Variants in EVA1C observed in about 807,000 individuals in gnomAD.
EVA1C encodes the protein eva-1 homolog C.
In EVA1C, 25 loss-of-function variants were observed where a neutral mutation model predicts 45.4. That is an observed-to-expected ratio of 0.55 (90% CI 0.40 to 0.77). The LOEUF is 0.77. Ranked by LOEUF, EVA1C falls within the 30% of genes least tolerant of loss-of-function variation. EVA1C has a pLI of 0.00. For missense variants in EVA1C, 479 were observed against 554.8 expected, an observed-to-expected ratio of 0.86 and a Z score of 1.37; for synonymous variants, 190 against 221.2, an observed-to-expected ratio of 0.86 and a Z score of 1.25.
intron 1 of EVA1C, among the ~76,000 whole-genome samples, chr21:32,425,150 A>AAAAC (rs56144507): frequency 0.23 from 33,767 of 148,794 alleles, 4,615 homozygotes; most frequent in African/African-American, 0.37. Flanking sequence ...ATCTCTACTA[A>AAAAC]AAACAAACAA....
At chr21:32,503,822 T>A in intron 6 of EVA1C, 104 bp from the exon 7 acceptor site, 1 of 707,790 alleles carries the variant, frequency 1.4e-6, no homozygotes, top group Non-Finnish European at 2.4e-6. Context: ...TCTGTGACTT[T>A]TAATTATTCC....
intron 1 of EVA1C, among the ~76,000 whole-genome samples, chr21:32,440,068 CCTGT>C (rs1259116845): frequency 1.3e-5 from 2 of 152,078 alleles, no homozygotes; most frequent in Non-Finnish European, 2.9e-5. Flanking sequence ...CTTCCACCCT[CCTGT>C]CTGTTTGTCG....
chr21:32,430,271 C>T (rs2034647917), intron 1 of EVA1C, among the ~76,000 whole-genome samples: 1 of 152,146 alleles, frequency 6.6e-6, no homozygotes, highest in Non-Finnish European at 1.5e-5. Context: ...CCTTCTCTAG[C>T]CCCTTTCCCA....
At chr21:32,500,791 G>A (rs1210406920) in intron 5 of EVA1C, among the ~76,000 whole-genome samples, 1 of 151,746 alleles carries the variant, frequency 6.6e-6, no homozygotes, top group Non-Finnish European at 1.5e-5. Context: ...CATCCATGTT[G>A]TAGCATGTAT....
chr21:32,448,934 G>GAGAAAGAGAAAGAAAGAA (rs1161868364), intron 1 of EVA1C, among the ~76,000 whole-genome samples: 24 of 141,348 alleles, frequency 1.7e-4, no homozygotes, highest in African/African-American at 4.0e-4. Context: ...GAAAGAAAGA[G>GAGAAAGAGAAAGAAAGAA]AGAGAAAGAG....
intron 1 of EVA1C, among the ~76,000 whole-genome samples, chr21:32,442,472 T>G (rs2035211463): frequency 6.6e-6 from 1 of 152,142 alleles, no homozygotes; most frequent in South Asian, 2.1e-4. Context: ...CCCTGACTCA[T>G]GGCTCCCCAC....
At chr21:32,514,074 A>G (rs1310418291) in intron 7 of EVA1C, among the ~76,000 whole-genome samples, 2 of 152,164 alleles carry the variant, frequency 1.3e-5, no homozygotes, top group Non-Finnish European at 2.9e-5. Flanking sequence ...TGATTTAAAG[A>G]ATAGGGGAGA....
intron 1 of EVA1C, among the ~76,000 whole-genome samples, chr21:32,450,931 G>C (rs1318517474): frequency 6.6e-6 from 1 of 152,196 alleles, no homozygotes; most frequent in Non-Finnish European, 1.5e-5. Flanking sequence ...AACTTACTCA[G>C]GATAGCTGGG....
intron 1 of EVA1C, among the ~76,000 whole-genome samples, chr21:32,420,320 A>C (rs889065898): frequency 6.6e-6 from 1 of 152,218 alleles, no homozygotes; most frequent in Non-Finnish European, 1.5e-5. Flanking sequence ...CAGTGAGCCA[A>C]GATCATGCCA....
chr21:32,501,399 C>A lies in EVA1C; in HGVS notation c.779-16C>A, dbSNP rs773416929. The A allele has an allele frequency of 6.3e-7, 1 of 1,580,442 alleles. No individual in the cohort carries two copies. Among genetic ancestry groups the A allele is most frequent in the Non-Finnish European group, 8.5e-7 (1 of 1,173,098 alleles). On this transcript the variant is annotated splice_polypyrimidine_tract_variant and intron_variant, in intron 5 of 7. Transcript: ENST00000300255. ...AATATACCACGAATTTAAAATATTT[C>A]TTTTTTGGCTTTTAGTTCCCAAGAA...
At position 32,413,561 on chromosome 21, in the gene EVA1C, A is replaced by C. The variant is rs117608045; in HGVS notation, c.160+548A>C. Among the ~76,000 whole-genome samples, 41 of 152,282 alleles carry C rather than the reference A, an allele frequency of 2.7e-4. No individual in the cohort carries two copies. The East Asian group carries it at 6.6e-3, about 24-fold the overall frequency. On this transcript the variant is annotated intron_variant, in intron 1 of 7. Transcript: ENST00000300255. The stretch of plus-strand genomic sequence containing the variant: ...ATAAGAGAGAGGAGCCTCTCTGCCA[A>C]AGTGTACCAGGGTCCTCCCTCTCCA...
At chr21:32,510,935 G>A (rs925637691) in intron 7 of EVA1C, among the ~76,000 whole-genome samples, 2 of 152,184 alleles carry the variant, frequency 1.3e-5, no homozygotes, top group African/African-American at 4.8e-5. Flanking sequence ...AGCTTCTAAG[G>A]AGGCTGAGGT....
chr21:32,441,995 C>G (rs1317992118), intron 1 of EVA1C, among the ~76,000 whole-genome samples: 1 of 152,142 alleles, frequency 6.6e-6, no homozygotes, highest in African/African-American at 2.4e-5. Context: ...TCTCAAGGGC[C>G]AGACCTTCAA....
chr21:32,430,527 G>A (rs1164464692), intron 1 of EVA1C, among the ~76,000 whole-genome samples: 1 of 152,146 alleles, frequency 6.6e-6, no homozygotes, highest in African/African-American at 2.4e-5. Context: ...CTGAGACTGG[G>A]TAATTTGTAA....
At chr21:32,423,086 A>AAAAAAAT (rs1358315566) in intron 1 of EVA1C, among the ~76,000 whole-genome samples, 4 of 151,476 alleles carry the variant, frequency 2.6e-5, no homozygotes, top group Non-Finnish European at 5.9e-5. Context: ...AAAAAAAAAA[A>AAAAAAAT]AAAAAAAAAA....
At chr21:32,510,212 C>T (rs1253134145) in intron 7 of EVA1C, among the ~76,000 whole-genome samples, 1 of 151,854 alleles carries the variant, frequency 6.6e-6, no homozygotes, top group Non-Finnish European at 1.5e-5. Flanking sequence ...CCACCCCTGG[C>T]TAATTTTAAT....
intron 7 of EVA1C, among the ~76,000 whole-genome samples, chr21:32,511,895 G>T (rs2037967418): frequency 1.3e-5 from 2 of 152,122 alleles, no homozygotes; most frequent in Non-Finnish European, 2.9e-5. Context: ...AACAGCAGGA[G>T]AGCAGGCAAA....
chr21:32,457,619 A>G lies in EVA1C; in HGVS notation c.380A>G (p.Asn127Ser), dbSNP rs529910192. ...TFQKVLDECQ[N>S]QRACHLLVNS... ...TAGAAGGTGCTGGACGAATGCCAGA[A>G]CCAGCGGGCCTGCCACCTCCTGGTC... is the stretch of plus-strand genomic sequence containing the variant. Residue 127 changes from asparagine (N) to serine (S), a missense_variant, in exon 3 of 8, where the codon AAC (asparagine) becomes AGC (serine). Around this residue, in one of 3 missense-constraint regions of EVA1C, gnomAD observed 366 missense variants for 426.1 expected, o/e 0.86. Coordinates refer to ENST00000300255, the MANE Select transcript of EVA1C (RefSeq NM_058187.5). The G allele has an allele frequency of 6.2e-7, 1 of 1,614,146 alleles. No homozygotes were observed. Among genetic ancestry groups the G allele is most frequent in the East Asian group, 2.2e-5 (1 of 44,874 alleles).
At chr21:32,445,201 G>A (rs1358775611) in intron 1 of EVA1C, among the ~76,000 whole-genome samples, 1 of 152,152 alleles carries the variant, frequency 6.6e-6, no homozygotes, top group East Asian at 1.9e-4. Flanking sequence ...CACTTGTCCG[G>A]CTAAGGGAAT....
Sources: gnomAD v4.1 joint callset for allele counts (sites outside exome capture counted in the v4.1 genomes callset) on GRCh38, gnomAD v4.1.1 for gene constraint, gnomAD v4.1.1 regional missense constraint, MANE v1.5 for transcripts, NCBI Gene and HGNC (gene_info 2026-07-23, HGNC 2026-07-21) for gene names.